The following NRTN variants were observed in gnomAD, a reference collection of about 807,000 sequenced individuals.
NRTN encodes neurturin.
In NRTN, 3 loss-of-function variants were observed where a neutral mutation model predicts 7.5. The ratio of observed to expected loss-of-function variants is 0.40; its 90% CI spans 0.18 to 1.03. The LOEUF (loss-of-function observed/expected upper bound fraction) is 1.03. Ranked by LOEUF, NRTN falls within the 50% of genes least tolerant of loss-of-function variation. The pLI is 0.34. For synonymous variants in NRTN, 157 were observed against 146.6 expected (o/e 1.07, Z -0.51); for missense variants, 310 against 307.0 (o/e 1.01, Z -0.07).
intron 1 of NRTN, among the ~76,000 whole-genome samples, chr19:5,805,940 TCGC>T (rs71172773): frequency 6.6e-6 from 1 of 151,566 alleles, no homozygotes; most frequent in Non-Finnish European, 1.5e-5. Context: ...CGTTCCCTGC[TCGC>T]CGCCGCCGCC....
intron 1 of NRTN, among the ~76,000 whole-genome samples, chr19:5,818,239 C>T (rs2057012287): frequency 6.6e-6 from 1 of 152,216 alleles, no homozygotes; most frequent in African/African-American, 2.4e-5. Flanking sequence ...GCTGGGATTA[C>T]AGGTGTGAGC....
Position 5,806,052 on chromosome 19 carries a change from G to C in NRTN, c.-399+601G>C, listed in dbSNP as rs182978336. ...GGCGTGAAACCCTTTGGTGTTGGGG[G>C]TGGGGGTCCCTTAAGGGCAAAGCCT... is the stretch of plus-strand genomic sequence containing the variant. On this transcript the variant is annotated intron_variant, in intron 1 of 2. Transcript: ENST00000303212. The surrounding 1 kb of genome is among the most constrained non-coding windows in gnomAD (Gnocchi z 5.4). 3.3e-5 allele frequency among the ~76,000 whole-genome samples: 5 copies of C among 152,320 alleles called. No homozygotes were observed. The highest frequency in any genetic ancestry group is 1.9e-4 in the East Asian group (1 of 5,166).
chr19:5,809,937 A>G (rs2056984866), intron 1 of NRTN, among the ~76,000 whole-genome samples: 1 of 152,024 alleles, frequency 6.6e-6, no homozygotes, highest in South Asian at 2.1e-4. Flanking sequence ...CCAGGTTCCA[A>G]TCCCAGCTCA....
rs569014843 is a variant in NRTN at position 5,828,226 on chromosome 19, A to G, written c.*53A>G. 3.2e-4 allele frequency: 489 copies of G among 1,520,126 alleles called. 5 individuals carry two copies. The African/African-American group carries it at 6.1e-3, about 19-fold the overall frequency. The allele number at this position is 1,520,126 out of a possible 1,614,324, so 94.2% of individuals were successfully genotyped here. A position where few individuals can be genotyped will look rare whatever the true frequency, so the allele number is the denominator to read the frequency against. ...CCACTCCCCCCGCCTCGACGGCACC[A>G]CTGGCCGGCCCCGCGAAAGACTGCG... On this transcript the variant is annotated 3_prime_UTR_variant, in exon 3 of 3. Transcript: ENST00000303212.
intron 1 of NRTN, among the ~76,000 whole-genome samples, chr19:5,820,738 GAAAAAAAA>G (rs869276836): frequency 1.2e-3 from 47 of 39,098 alleles, no homozygotes; most frequent in South Asian, 3.1e-3. Context: ...TCTGTCTCAA[GAAAAAAAA>G]AAAAAAAAAA....
intron 1 of NRTN, among the ~76,000 whole-genome samples, chr19:5,808,909 C>T (rs1463725923): frequency 2.6e-5 from 4 of 152,002 alleles, no homozygotes; most frequent in Non-Finnish European, 5.9e-5. Flanking sequence ...GCGCCCACCA[C>T]CACGCCCGGC....
intron 1 of NRTN, among the ~76,000 whole-genome samples, chr19:5,818,781 G>A (rs983041173): frequency 6.6e-6 from 1 of 151,272 alleles, no homozygotes; most frequent in African/African-American, 2.4e-5. Context: ...CCACCTGGTC[G>A]CGTCCGTGCC....
intron 1 of NRTN, among the ~76,000 whole-genome samples, chr19:5,808,301 G>T (rs1284833632): frequency 6.6e-6 from 1 of 152,172 alleles, no homozygotes; most frequent in East Asian, 1.9e-4. Flanking sequence ...GCTTAGCCAT[G>T]CCAGGCCTCA....
At chr19:5,814,662 C>T (rs28721898) in intron 1 of NRTN, among the ~76,000 whole-genome samples, 25,126 of 152,162 alleles carry the variant, frequency 0.17, 2,372 homozygotes, top group Middle Eastern at 0.3. Context: ...CACACCCTTG[C>T]GCTGGCTGTC....
chr19:5,808,938 G>T (rs1043036907), intron 1 of NRTN, among the ~76,000 whole-genome samples: 1 of 150,654 alleles, frequency 6.6e-6, no homozygotes, highest in Admixed American at 6.6e-5. Context: ...TGTATTTTTA[G>T]TAAGGACGGG....
At chr19:5,816,546 T>C (rs905072157) in intron 1 of NRTN, among the ~76,000 whole-genome samples, 1 of 151,876 alleles carries the variant, frequency 6.6e-6, no homozygotes, top group African/African-American at 2.4e-5. Context: ...GACTGGCTAA[T>C]TTTTTTTGTA....
At chr19:5,808,829 C>A (rs573552374) in intron 1 of NRTN, among the ~76,000 whole-genome samples, 2 of 150,740 alleles carry the variant, frequency 1.3e-5, no homozygotes, top group African/African-American at 4.9e-5. Context: ...GATCTCGGCT[C>A]ACTGCAAGCT....
chr19:5,825,625 G>A (rs1436273843), intron 2 of NRTN, among the ~76,000 whole-genome samples: 1 of 152,236 alleles, frequency 6.6e-6, no homozygotes, highest in Non-Finnish European at 1.5e-5. Flanking sequence ...GGGTGCGGGG[G>A]GCAAAGCACG....
Position 5,824,247 on chromosome 19 carries a change from C to T in NRTN, c.82C>T (p.Leu28Phe), listed in dbSNP as rs369617745. ...CATCTGGATGTGTCGAGAGGGCCTGCTTCTCAGCCACCGCCTCGGACCTGC... is the reference window on the plus strand; with the variant it reads ...CATCTGGATGTGTCGAGAGGGCCTGTTTCTCAGCCACCGCCTCGGACCTGC... ...LSIWMCREGL[L>F]LSHRLGPALV... The change falls in exon 2 of 3, where the codon CTT becomes TTT. Residue 28 changes from leucine (L) to phenylalanine (F), a missense_variant. Physicochemically the swap from Leu to Phe is conservative, Grantham distance 22. Coordinates refer to ENST00000303212, the MANE Select transcript of NRTN (RefSeq NM_004558.5). The T allele has an allele frequency of 3.7e-6, 6 of 1,612,260 alleles. No homozygotes were observed. In the African/African-American group the frequency reaches 8.0e-5, roughly 21 times the overall value.
chr19:5,810,210 T>C (rs1423332579), intron 1 of NRTN, among the ~76,000 whole-genome samples: 1 of 144,846 alleles, frequency 6.9e-6, no homozygotes, highest in Non-Finnish European at 1.5e-5. Context: ...GAGCTTGTAG[T>C]GAGCCGAGAT....
intron 1 of NRTN, among the ~76,000 whole-genome samples, chr19:5,810,506 C>G (rs1192981501): frequency 1.3e-5 from 2 of 151,850 alleles, no homozygotes; most frequent in African/African-American, 4.8e-5. Flanking sequence ...ATAATAATAA[C>G]ATGTTTTTCA....
At position 5,824,094 on chromosome 19, in the gene NRTN, G is replaced by A. The variant is rs1319982448; in HGVS notation, c.-72G>A. ...GCCCCACACTGAGTCCTGGCCCAGCGCCCTGTGCCCGTTGGCTGCTGGAGG... is the reference window on the plus strand; with the variant it reads ...GCCCCACACTGAGTCCTGGCCCAGCACCCTGTGCCCGTTGGCTGCTGGAGG... On this transcript the variant is annotated 5_prime_UTR_variant, in exon 2 of 3. Coordinates refer to ENST00000303212, the MANE Select transcript of NRTN (RefSeq NM_004558.5). 10 of 1,583,052 alleles carry A rather than the reference G, an allele frequency of 6.3e-6. No homozygotes were observed. Among genetic ancestry groups the A allele is most frequent in the Admixed American group, 3.3e-5 (2 of 59,906 alleles).
At chr19:5,810,692 G>A (rs1389756028) in intron 1 of NRTN, among the ~76,000 whole-genome samples, 1 of 152,034 alleles carries the variant, frequency 6.6e-6, no homozygotes, top group Admixed American at 6.6e-5. Flanking sequence ...CCAGCACTTT[G>A]GGAGGCCGAG....
intron 1 of NRTN, among the ~76,000 whole-genome samples, chr19:5,819,928 G>C (rs900267404): frequency 2.0e-5 from 3 of 151,990 alleles, no homozygotes; most frequent in African/African-American, 7.2e-5. Context: ...TCTGTGTTAA[G>C]TTTGTAAAAT....
Sources: allele counts gnomAD v4.1 joint callset (sites outside exome capture counted in the v4.1 genomes callset), GRCh38; gene constraint gnomAD v4.1.1; non-coding constraint Gnocchi (gnomAD v3.1); transcripts MANE v1.5; gene names NCBI Gene and HGNC (gene_info 2026-07-23, HGNC 2026-07-21).